The following CRB1 variants were observed in gnomAD, a reference collection of about 807,000 sequenced individuals.
CRB1 encodes protein crumbs homolog 1.
In CRB1, 83 loss-of-function variants were observed where a neutral mutation model predicts 120.0. The ratio of observed to expected loss-of-function variants is 0.69; its 90% CI spans 0.58 to 0.83. CRB1 has a LOEUF of 0.83. Among genes scored for constraint, CRB1 ranks in the 40% least tolerant of loss-of-function variants. The pLI is 0.00. For synonymous variants in CRB1, 625 were observed against 612.5 expected (o/e 1.02, Z -0.30); for missense variants, 1,699 against 1,687.6 (o/e 1.01, Z -0.12).
At chr1:197,233,191 A>T in the CRB1 span, among the ~76,000 whole-genome samples, 1 of 152,178 alleles carries the variant, frequency 6.6e-6, no homozygotes, top group African/African-American at 2.4e-5. Context: ...TGCAATTTTT[A>T]AAAGTTGCAG....
At chr1:197,283,428 G>A (rs1655650254) in intron 1 of CRB1, among the ~76,000 whole-genome samples, 1 of 151,670 alleles carries the variant, frequency 6.6e-6, no homozygotes, top group Non-Finnish European at 1.5e-5. Flanking sequence ...AAAGTCCGTT[G>A]TATCATTCTT....
In CRB1 at chr1:197,330,822, C is replaced by A. The variant is rs145929701; in HGVS notation, c.652+1819C>A. Reference sequence around the variant, plus strand: ...CCCCCAAATGTTAGTTTCTAAAGGACAGAGTATTGTTTTATATTTATTCTT... The same window carrying A: ...CCCCCAAATGTTAGTTTCTAAAGGAAAGAGTATTGTTTTATATTTATTCTT... On this transcript the variant is annotated intron_variant, in intron 2 of 11. Transcript: ENST00000367400. Among the ~76,000 whole-genome samples the A allele has an allele frequency of 6.7e-3, 1,015 of 152,102 alleles. 7 individuals are homozygous for A. Among genetic ancestry groups the A allele is most frequent in the African/African-American group, 0.023 (945 of 41,484 alleles).
intron 5 of CRB1, among the ~76,000 whole-genome samples, chr1:197,369,897 G>T (rs189503118): frequency 1.2e-3 from 181 of 152,096 alleles, no homozygotes; most frequent in South Asian, 3.9e-3. Context: ...CATTTCTTCT[G>T]CAATCTTCTT....
chr1:197,356,897 G>C lies in CRB1; in HGVS notation c.1055G>C (p.Gly352Ala), dbSNP rs764124531. The C allele has an allele frequency of 6.2e-7, 1 of 1,614,162 alleles. No individual in the cohort carries two copies. The highest frequency in any genetic ancestry group is 8.5e-7 in the Non-Finnish European group (1 of 1,180,028). ...ECNSNPCQSN[G>A]ECVELSSEKQ... ...AATAGTAACCCCTGCCAGTCCAATG[G>C]GGAATGTGTGGAGCTGTCCTCAGAG... The change falls in exon 5 of 12, where the codon GGG becomes GCG. Residue 352 changes from glycine (G) to alanine (A), a missense_variant. Coordinates refer to ENST00000367400, the MANE Select transcript of CRB1 (RefSeq NM_201253.3).
At chr1:197,378,748 G>A (rs1035465356) in intron 5 of CRB1, among the ~76,000 whole-genome samples, 4 of 152,108 alleles carry the variant, frequency 2.6e-5, no homozygotes, top group African/African-American at 7.2e-5. Context: ...CAAAATAACA[G>A]TTTACTCTCT....
At chr1:197,375,909 T>C (rs1277462977) in intron 5 of CRB1, among the ~76,000 whole-genome samples, 5 of 152,112 alleles carry the variant, frequency 3.3e-5, no homozygotes, top group Admixed American at 3.3e-4. Flanking sequence ...CTTTTTCACT[T>C]CCCGGTAACC....
chr1:197,222,048 G>C, the CRB1 span, among the ~76,000 whole-genome samples: 6 of 152,058 alleles, frequency 3.9e-5, no homozygotes, highest in Non-Finnish European at 8.8e-5. Flanking sequence ...AATATATACA[G>C]GTATAATTTT....
At chr1:197,374,371 C>T (rs1282961960) in intron 5 of CRB1, among the ~76,000 whole-genome samples, 1 of 152,072 alleles carries the variant, frequency 6.6e-6, no homozygotes, top group Non-Finnish European at 1.5e-5. Context: ...TGACCAAGTG[C>T]CAGAGCTGCT....
chr1:197,335,077 G>A (rs1451457398), intron 2 of CRB1, among the ~76,000 whole-genome samples: 1 of 152,184 alleles, frequency 6.6e-6, no homozygotes, highest in African/African-American at 2.4e-5. Context: ...GGGAACCAAG[G>A]AAATGTCTTG....
chr1:197,329,461 G>T (rs1403452724), intron 2 of CRB1, among the ~76,000 whole-genome samples: 2 of 152,098 alleles, frequency 1.3e-5, no homozygotes, highest in Admixed American at 6.5e-5. Flanking sequence ...ATGGAGCATG[G>T]TATATCAGAT....
intron 5 of CRB1, among the ~76,000 whole-genome samples, chr1:197,400,216 G>T (rs1662989190): frequency 6.6e-6 from 1 of 151,324 alleles, no homozygotes. Context: ...CAATTGTTCT[G>T]CAATTAACCG....
the CRB1 span, among the ~76,000 whole-genome samples, chr1:197,249,901 G>A: frequency 6.6e-6 from 1 of 151,938 alleles, no homozygotes; most frequent in African/African-American, 2.4e-5. Flanking sequence ...TAGGCTATGT[G>A]GTCTTTCCCC....
Position 197,421,063 on chromosome 1 carries a change from G to C in CRB1, c.1235G>C (p.Cys412Ser). 2 of 1,614,204 alleles carry C rather than the reference G, an allele frequency of 1.2e-6. No homozygotes were observed. Among genetic ancestry groups the C allele is most frequent in the Non-Finnish European group, 1.7e-6 (2 of 1,180,040 alleles). ...AACCCTTGCCAAAATGGTGGTACTT[G>C]TGAGAACTTGCCTGGGAATTATACT... ...SSNPCQNGGT[C>S]ENLPGNYTCH... Residue 412 changes from cysteine to serine, a missense_variant, in exon 6 of 12, where the codon TGT (cysteine) becomes TCT (serine). By Grantham distance (112) the Cys-to-Ser change is moderately radical (BLOSUM62 -1). Coordinates refer to ENST00000367400, the MANE Select transcript of CRB1 (RefSeq NM_201253.3).
intron 7 of CRB1, chr1:197,428,971 C>T: frequency 1.3e-6 from 2 of 1,532,760 alleles, no homozygotes; most frequent in Non-Finnish European, 1.7e-6. Context: ...GTCTCTGATT[C>T]AGAGGCAGAC....
chr1:197,425,216 G>GTT (rs1558129552), intron 6 of CRB1, among the ~76,000 whole-genome samples: 3 of 152,284 alleles, frequency 2.0e-5, no homozygotes. Context: ...ATTCAGAGAT[G>GTT]TTAACCTCTT....
At chr1:197,238,638 G>T in the CRB1 span, among the ~76,000 whole-genome samples, 1 of 152,094 alleles carries the variant, frequency 6.6e-6, no homozygotes, top group Non-Finnish European at 1.5e-5. Context: ...TTGACGTCAG[G>T]AGTTTGAGAC....
intron 5 of CRB1, 54 bp downstream of exon 5, chr1:197,357,067 C>CATGG (rs1324602143): frequency 1.3e-6 from 2 of 1,561,662 alleles, no homozygotes; most frequent in African/African-American, 2.7e-5. Context: ...TATGGCAGAC[C>CATGG]ATGGCTTTAA....
chr1:197,361,447 T>G (rs1482206062), intron 5 of CRB1, among the ~76,000 whole-genome samples: 1 of 152,222 alleles, frequency 6.6e-6, no homozygotes, highest in East Asian at 1.9e-4. Context: ...CAAGAATACT[T>G]ATTTTCGGCA....
intron 11 of CRB1, among the ~76,000 whole-genome samples, chr1:197,470,958 T>G (rs2125562781): frequency 6.6e-6 from 1 of 152,346 alleles, no homozygotes; most frequent in African/African-American, 2.4e-5. Context: ...GAGTTAATGT[T>G]GAGGTTGATT....
Sources: allele counts gnomAD v4.1 joint callset (sites outside exome capture counted in the v4.1 genomes callset), GRCh38; gene constraint gnomAD v4.1.1; transcripts MANE v1.5; gene names NCBI Gene and HGNC (gene_info 2026-07-23, HGNC 2026-07-21).